The following SAMHD1 variants were observed in gnomAD, a reference collection of about 807,000 sequenced individuals.
SAMHD1 encodes deoxynucleoside triphosphate triphosphohydrolase SAMHD1.
In SAMHD1, 54 loss-of-function variants were observed where a neutral mutation model predicts 79.6. That is an observed-to-expected ratio of 0.68 (90% confidence interval 0.55 to 0.85). SAMHD1 has a LOEUF of 0.85. Among genes scored for constraint, SAMHD1 ranks in the 40% least tolerant of loss-of-function variants. The pLI is 0.00. For missense variants in SAMHD1, 663 were observed against 782.7 expected (o/e 0.85, Z 1.82); for synonymous variants, 260 against 264.1 (o/e 0.98, Z 0.15).
At chr20:36,939,385 G>A (rs2063626412) in intron 3 of SAMHD1, among the ~76,000 whole-genome samples, 1 of 152,012 alleles carries the variant, frequency 6.6e-6, no homozygotes, top group Admixed American at 6.6e-5. Flanking sequence ...ATGAGGTCAG[G>A]AGTTCGAGAC....
intron 6 of SAMHD1, 83 bp downstream of exon 6, chr20:36,927,099 G>T: frequency 8.2e-7 from 1 of 1,221,528 alleles, no homozygotes. Context: ...TAACACAGTA[G>T]TGGAACCAAA....
rs2146119586 is a variant in SAMHD1, at chr20:36,919,469, T to G, written c.747A>C (p.Gly249=). 1.9e-6 allele frequency: 3 copies of G among 1,613,642 alleles called. No individual in the cohort carries two copies. The highest frequency in any genetic ancestry group is 2.5e-6 in the Non-Finnish European group (3 of 1,179,746). Residue 249 remains glycine (G), a synonymous_variant, in exon 7 of 16, where the codon GGA becomes GGC. Transcript: ENST00000646673. ...MMFEHLINSN[G]IKPVMEQYGL... ...CATATTGTTCCATGACAGGCTTAAT[T>G]CCATTAGAATTAATAAGGTGCTCAA... is the stretch of plus-strand genomic sequence containing the variant.
At chr20:36,896,860 A>T (rs115772967) in intron 15 of SAMHD1, among the ~76,000 whole-genome samples, 1,806 of 122,534 alleles carry the variant, frequency 0.015, 51 homozygotes, top group African/African-American at 0.049. Context: ...TTAATTAATT[A>T]AAAAAAAAAA....
chr20:36,949,800 C>T (rs1033036146), intron 1 of SAMHD1, among the ~76,000 whole-genome samples: 1 of 145,640 alleles, frequency 6.9e-6, no homozygotes, highest in Admixed American at 6.9e-5. Context: ...GAAAAAGGGT[C>T]TTCTTTTATA....
At position 36,899,611 on chromosome 20, in the gene SAMHD1, G is replaced by A. The variant is rs576243065; in HGVS notation, c.1504-1067C>T. Among the ~76,000 whole-genome samples the A allele has an allele frequency of 4.6e-5, 7 of 152,288 alleles. No individual in the cohort carries two copies. The South Asian group carries it at 1.4e-3, about 32-fold the overall frequency. On this transcript the variant is annotated intron_variant, in intron 13 of 15. Transcript: ENST00000646673. The stretch of plus-strand genomic sequence containing the variant: ...AGAATGACCGGAAACATTTTCCTGG[G>A]AAAGTGACTTTACTAAGTGAGCAAG...
At chr20:36,900,184 A>G (rs1990276106) in intron 13 of SAMHD1, among the ~76,000 whole-genome samples, 1 of 152,172 alleles carries the variant, frequency 6.6e-6, no homozygotes. Context: ...AATTACAGCT[A>G]GATAGGAGGA....
chr20:36,947,409 T>TGTGTGTGTGTGATTTGGAAGAG (rs1475028283), intron 1 of SAMHD1, among the ~76,000 whole-genome samples: 5,846 of 91,334 alleles, frequency 0.064, 1,276 homozygotes, highest in East Asian at 0.29. Flanking sequence ...GGAAGAGGTG[T>TGTGTGTGTGTGATTTGGAAGAG]GTGTGTGTGT....
At chr20:36,915,361 A>T (rs1305006909) in intron 9 of SAMHD1, among the ~76,000 whole-genome samples, 1 of 152,156 alleles carries the variant, frequency 6.6e-6, no homozygotes, top group Non-Finnish European at 1.5e-5. Context: ...AAACATACAA[A>T]ATGTGTGTAA....
chr20:36,939,702 A>AT, intron 3 of SAMHD1, among the ~76,000 whole-genome samples: 1 of 152,210 alleles, frequency 6.6e-6, no homozygotes, highest in East Asian at 1.9e-4. Flanking sequence ...CATTACATCT[A>AT]TTTTTTAAAA....
Position 36,951,493 on chromosome 20 carries a change from A to G in SAMHD1, c.151T>C (p.Cys51Arg). 6.2e-7 allele frequency: 1 copy of G among 1,614,088 alleles called. No homozygotes were observed. Among genetic ancestry groups the G allele is most frequent in the African/African-American group, 1.3e-5 (1 of 75,022 alleles). ...DYKTWGPEQVCSFLRRGGFEE... is the reference protein window; with the variant it reads ...DYKTWGPEQVRSFLRRGGFEE... ...AAGCCACCGCGCCTGAGGAAGGAGCACACCTGCTCCGGACCCCATGTCTTG... is the reference window on the plus strand; with the variant it reads ...AAGCCACCGCGCCTGAGGAAGGAGCGCACCTGCTCCGGACCCCATGTCTTG... The change falls in exon 1 of 16, where the codon TGC (cysteine) becomes CGC (arginine). Residue 51 changes from cysteine (C) to arginine (R), a missense_variant. By Grantham distance (180) the Cys-to-Arg change is radical. Transcript: ENST00000646673.
intron 4 of SAMHD1, among the ~76,000 whole-genome samples, chr20:36,934,045 C>CA (rs1199152184): frequency 1.0e-3 from 137 of 133,312 alleles, no homozygotes; most frequent in Admixed American, 1.3e-3. Context: ...GACTCCATCT[C>CA]AAAAAAAAAA....
At chr20:36,931,321 C>A (rs1471031557) in intron 4 of SAMHD1, among the ~76,000 whole-genome samples, 1 of 152,142 alleles carries the variant, frequency 6.6e-6, no homozygotes, top group African/African-American at 2.4e-5. Flanking sequence ...TGGGTATACA[C>A]CCACAATAAC....
In SAMHD1 at chr20:36,905,492, GA is replaced by G. The variant is rs2063399623; in HGVS notation, c.1281del (p.Leu428TrpfsTer11). 1.2e-6 allele frequency: 2 copies of G among 1,609,772 alleles called. No individual in the cohort carries two copies. The highest frequency in any genetic ancestry group is 1.1e-5 in the South Asian group (1 of 90,994). On this transcript the variant is annotated frameshift_variant, in exon 12 of 16. Coordinates refer to ENST00000646673, the MANE Select transcript of SAMHD1 (RefSeq NM_015474.4). LOFTEE classifies it high-confidence loss of function. ...GGATCAGTAGAGTATAAAATCTCCAGAAAAATGTTATCTGCCAATTTAATGA... is the reference window on the plus strand; with the variant it reads ...GGATCAGTAGAGTATAAAATCTCCAGAAAATGTTATCTGCCAATTTAATGA... ...EAYTKLTDNI[F>X]LEILYSTDPK...
At chr20:36,898,163 T>C (rs572332305) in intron 14 of SAMHD1, among the ~76,000 whole-genome samples, 10 of 152,204 alleles carry the variant, frequency 6.6e-5, no homozygotes, top group African/African-American at 1.9e-4. Context: ...TCCTAAGTAG[T>C]TGGAACTACA....
In SAMHD1 at chr20:36,951,614, G is replaced by A; in HGVS notation, c.30C>T (p.Ser10=). Residue 10 remains serine (S), a synonymous_variant, in exon 1 of 16, where the codon TCC becomes TCT. Transcript: ENST00000646673. MQRADSEQP[S]KRPRCDDSPR... is the part of the protein sequence containing the mutation. ...GGCTGTCATCGCAACGGGGACGCTT[G>A]GAGGGCTGCTCGGAATCGGCTCGCT... The A allele has an allele frequency of 6.2e-7, 1 of 1,614,070 alleles. No homozygotes were observed. The highest frequency in any genetic ancestry group is 8.5e-7 in the Non-Finnish European group (1 of 1,179,996).
chr20:36,904,488 G>C, intron 12 of SAMHD1: 1 of 452,178 alleles, frequency 2.2e-6, no homozygotes, highest in South Asian at 2.1e-5. Flanking sequence ...GGAGGCCCAG[G>C]TGGGCGGATC....
chr20:36,903,695 G>A (rs1017649647), intron 13 of SAMHD1, among the ~76,000 whole-genome samples: 1 of 151,642 alleles, frequency 6.6e-6, no homozygotes, highest in Non-Finnish European at 1.5e-5. Context: ...GACTACAGGC[G>A]CAAACCACCA....
chr20:36,898,468 T>C lies in SAMHD1; in HGVS notation c.1580A>G (p.Asn527Ser). ...GTTTTTAGTAATCCTGATTGCTCTGTTGGGGGCAGTCTTACAATAGAAGCT... is the reference window on the plus strand; with the variant it reads ...GTTTTTAGTAATCCTGATTGCTCTGCTGGGGGCAGTCTTACAATAGAAGCT... ...HVSFYCKTAP[N>S]RAIRITKNQV... The change falls in exon 14 of 16, where the codon AAC becomes AGC. Residue 527 changes from asparagine (N) to serine (S), a missense_variant. By Grantham distance (46) the Asn-to-Ser change is conservative. Coordinates refer to ENST00000646673, the MANE Select transcript of SAMHD1 (RefSeq NM_015474.4). The C allele has an allele frequency of 6.2e-7, 1 of 1,613,896 alleles. No homozygotes were observed. Among genetic ancestry groups the C allele is most frequent in the Non-Finnish European group, 8.5e-7 (1 of 1,179,808 alleles).
intron 4 of SAMHD1, among the ~76,000 whole-genome samples, chr20:36,932,835 A>G (rs534394706): frequency 3.9e-5 from 6 of 152,148 alleles, no homozygotes; most frequent in Non-Finnish European, 8.8e-5. Context: ...TGGTTGCACA[A>G]TGTGAATGCA....
Sources: allele counts gnomAD v4.1 joint callset (sites outside exome capture counted in the v4.1 genomes callset), GRCh38; gene constraint gnomAD v4.1.1; transcripts MANE v1.5; gene names NCBI Gene and HGNC (gene_info 2026-07-23, HGNC 2026-07-21).